SLFN12L: variants seen among roughly 807,000 people sequenced by gnomAD.
SLFN12L encodes schlafen family member 12-like.
In SLFN12L, 34 loss-of-function variants were observed where a neutral mutation model predicts 34.8. That is an observed-to-expected ratio of 0.98 (90% CI 0.74 to 1.30). The LOEUF (loss-of-function observed/expected upper bound fraction) is 1.30. SLFN12L is among the 50% of genes most tolerant of loss of function. The pLI, the probability that SLFN12L is intolerant of heterozygous loss-of-function variation, is 0.00. For synonymous variants in SLFN12L, 259 were observed against 247.5 expected (o/e 1.05, Z -0.44); for missense variants, 703 against 696.2 (o/e 1.01, Z -0.11).
At chr17:35,515,237 G>T in intron 2 of SLFN12L, 1 of 496,666 alleles carries the variant, frequency 2.0e-6, no homozygotes, top group African/African-American at 2.0e-5. Context: ...GGAAAGGAGC[G>T]GTTGCCCACA....
chr17:35,496,836 C>G (rs1209485276), intron 2 of SLFN12L, among the ~76,000 whole-genome samples: 2 of 152,182 alleles, frequency 1.3e-5, no homozygotes, highest in East Asian at 3.9e-4. Flanking sequence ...GGGAGCGGGT[C>G]ACCCATTCAG....
intron 2 of SLFN12L, chr17:35,491,234 G>T (rs138680827): frequency 3.4e-5 from 37 of 1,095,982 alleles, no homozygotes; most frequent in Non-Finnish European, 6.6e-6. Flanking sequence ...GACTTCAAGT[G>T]TAGTTGATTA....
intron 1 of SLFN12L, among the ~76,000 whole-genome samples, chr17:35,530,521 A>G (rs1236495491): frequency 1.1e-3 from 46 of 41,584 alleles, no homozygotes; most frequent in Admixed American, 2.1e-3. Flanking sequence ...AGAAAAGAAA[A>G]GAAAAGAAAA....
intron 1 of SLFN12L, among the ~76,000 whole-genome samples, chr17:35,530,635 C>T (rs983566291): frequency 1.2e-4 from 18 of 151,804 alleles, no homozygotes; most frequent in African/African-American, 4.1e-4. Flanking sequence ...GGCCAAGGGA[C>T]GTGGTAAATC....
At chr17:35,490,568 G>A in intron 2 of SLFN12L, 1 of 826,700 alleles carries the variant, frequency 1.2e-6, no homozygotes, top group South Asian at 1.4e-5. Context: ...TCTGCGGATG[G>A]GGGCATGCTG....
At chr17:35,498,317 G>A in intron 2 of SLFN12L, 1 of 861,324 alleles carries the variant, frequency 1.2e-6, no homozygotes, top group Non-Finnish European at 2.0e-6. Flanking sequence ...AAGGACTGCG[G>A]CTGCCACAGA....
At chr17:35,526,971 T>C (rs1189999615) in intron 1 of SLFN12L, among the ~76,000 whole-genome samples, 1 of 149,890 alleles carries the variant, frequency 6.7e-6, no homozygotes, top group Non-Finnish European at 1.5e-5. Context: ...CCGAGACTAA[T>C]AAAGAAGAAA....
rs1474121221 is a variant in SLFN12L, at chr17:35,471,185, G to A, written c.*3738C>T. On this transcript the variant is annotated 3_prime_UTR_variant, in exon 5 of 5. Coordinates refer to ENST00000628453, the MANE Select transcript of SLFN12L (RefSeq NM_001363830.2). ...GAGTTTTGCTCTTGTCACCCAGGCT[G>A]GAGTGCAATGGGGTGATCTTGGCTC... is the stretch of plus-strand genomic sequence containing the variant. Among the ~76,000 whole-genome samples the A allele has an allele frequency of 6.6e-6, 1 of 150,658 alleles. No individual in the cohort carries two copies. Among genetic ancestry groups the A allele is most frequent in the Non-Finnish European group, 1.5e-5 (1 of 67,800 alleles).
intron 2 of SLFN12L, among the ~76,000 whole-genome samples, chr17:35,482,572 G>A (rs999791641): frequency 1.3e-5 from 2 of 152,168 alleles, no homozygotes; most frequent in Admixed American, 1.3e-4. Flanking sequence ...CACCCAAATC[G>A]AGATTGCAGA....
rs746939440 is a variant in SLFN12L, at chr17:35,479,581, T to A, written c.701A>T (p.Tyr234Phe). The A allele has an allele frequency of 1.9e-6, 3 of 1,613,628 alleles. No individual in the cohort carries two copies. Among genetic ancestry groups the A allele is most frequent in the African/African-American group, 2.7e-5 (2 of 75,000 alleles). Residue 234 changes from tyrosine (Y) to phenylalanine (F), a missense_variant, in exon 3 of 5, where the codon TAT becomes TTT. By Grantham distance (22) the Tyr-to-Phe change is conservative. Transcript: ENST00000628453. Reference protein sequence around the residue: ...ADFFNRTELGYKEKLTFTEST... With the variant: ...ADFFNRTELGFKEKLTFTEST... Reference sequence around the variant, plus strand: ...TTCAGTAAAGGTCAATTTTTCTTTATAACCAAGTTCTGTTCTGTTAAAAAA... The same window carrying A: ...TTCAGTAAAGGTCAATTTTTCTTTAAAACCAAGTTCTGTTCTGTTAAAAAA...
rs1415451754 is a variant in SLFN12L at position 35,464,860 on chromosome 17, G to T, written c.*10063C>A. Among the ~76,000 whole-genome samples, 1 of 151,988 alleles carries T rather than the reference G, an allele frequency of 6.6e-6. No homozygotes were observed. Among genetic ancestry groups the T allele is most frequent in the African/African-American group, 2.4e-5 (1 of 41,372 alleles). ...TCGTGATTGGGTTTAGAACTGTAAG[G>T]TTTTTTGTTTTCTGTTTTTTGCTTT... On this transcript the variant is annotated 3_prime_UTR_variant, in exon 5 of 5. Transcript: ENST00000628453.
In SLFN12L at chr17:35,470,672, CTT is replaced by C. The variant is rs35473316; in HGVS notation, c.*4249_*4250del. 8.4e-4 allele frequency: 123 copies of C among 147,062 alleles called. No individual in the cohort carries two copies. The highest frequency in any genetic ancestry group is 3.5e-3 in the Middle Eastern group (1 of 286). The allele number at this position is 147,062 out of a possible 1,614,324, so 9.1% of individuals were successfully genotyped here. On this transcript the variant is annotated 3_prime_UTR_variant, in exon 5 of 5. Coordinates refer to ENST00000628453, the MANE Select transcript of SLFN12L (RefSeq NM_001363830.2). ...GAACATGCTCCCACTGTTTTAAGTT[CTT>C]TTTTTTTTTTTTAATTTTTATTATA...
At chr17:35,499,242 A>T in intron 2 of SLFN12L, 2 of 882,568 alleles carry the variant, frequency 2.3e-6, no homozygotes, top group Non-Finnish European at 3.3e-6. Context: ...GTCCTTACCA[A>T]ACACGACATA....
At chr17:35,502,235 A>G (rs1915319125) in intron 2 of SLFN12L, among the ~76,000 whole-genome samples, 1 of 152,128 alleles carries the variant, frequency 6.6e-6, no homozygotes, top group Non-Finnish European at 1.5e-5. Context: ...AGTGTAAACA[A>G]GGGGGTATCC....
At chr17:35,475,559 G>A in intron 4 of SLFN12L, 74 bp from the exon 5 acceptor site, 1 of 1,459,916 alleles carries the variant, frequency 6.8e-7, no homozygotes, top group Non-Finnish European at 9.0e-7. Context: ...AAAGCAGCTT[G>A]TATTAGATTA....
At chr17:35,481,829 TTTTG>T (rs1162196577) in intron 2 of SLFN12L, among the ~76,000 whole-genome samples, 14 of 152,318 alleles carry the variant, frequency 9.2e-5, no homozygotes, top group Admixed American at 5.9e-4. Flanking sequence ...ATATTGGTTT[TTTTG>T]TTTGTTTGTT....
chr17:35,534,434 T>C (rs2142181611), intron 1 of SLFN12L, among the ~76,000 whole-genome samples: 1 of 152,322 alleles, frequency 6.6e-6, no homozygotes, highest in South Asian at 2.1e-4. Context: ...TGAACATTTT[T>C]CAAAGTCCTT....
rs1913747649 is a variant in SLFN12L at position 35,468,275 on chromosome 17, T to C, written c.*6648A>G. Reference sequence around the variant, plus strand: ...ATCATCTGGAGGCACCAACCCTCCATACAAGCCATTGTTTTAATCAATCAT... The same window carrying C: ...ATCATCTGGAGGCACCAACCCTCCACACAAGCCATTGTTTTAATCAATCAT... On this transcript the variant is annotated 3_prime_UTR_variant, in exon 5 of 5. Transcript: ENST00000628453. Among the ~76,000 whole-genome samples, 1 of 152,164 alleles carries C rather than the reference T, an allele frequency of 6.6e-6. No individual in the cohort carries two copies. The highest frequency in any genetic ancestry group is 2.4e-5 in the African/African-American group (1 of 41,440).
At chr17:35,483,739 A>C (rs1290717936) in intron 2 of SLFN12L, among the ~76,000 whole-genome samples, 1 of 152,200 alleles carries the variant, frequency 6.6e-6, no homozygotes, top group East Asian at 1.9e-4. Context: ...AGGTTTGTCA[A>C]GTGGCCTAGA....
Sources: allele counts gnomAD v4.1 joint callset (sites outside exome capture counted in the v4.1 genomes callset), GRCh38; gene constraint gnomAD v4.1.1; transcripts MANE v1.5; gene names NCBI Gene and HGNC (gene_info 2026-07-23, HGNC 2026-07-21).